The following DOP1B variants were observed in gnomAD, a reference collection of about 807,000 sequenced individuals.
DOP1B encodes the protein DOP1 leucine zipper like protein B.
In DOP1B, 174 loss-of-function variants were observed where a neutral mutation model predicts 233.5. The observed-to-expected ratio is 0.75, with a 90% confidence interval of 0.66 to 0.85. The LOEUF (loss-of-function observed/expected upper bound fraction) is 0.85. Ranked by LOEUF, DOP1B falls within the 40% of genes least tolerant of loss-of-function variation. The probability of loss-of-function intolerance (pLI) is 0.00; values close to 1 mark genes in which losing one functional copy is unlikely to be tolerated. For synonymous variants in DOP1B, 1,190 were observed against 1,185.6 expected (o/e 1.00, Z -0.08); for missense variants, 2,652 against 2,846.6 (o/e 0.93, Z 1.56).
At chr21:36,192,399 T>C (rs1316908293) in intron 2 of DOP1B, among the ~76,000 whole-genome samples, 2 of 151,004 alleles carry the variant, frequency 1.3e-5, no homozygotes, top group African/African-American at 4.8e-5. Flanking sequence ...TTCTTTTTTT[T>C]TTTTTTTGAG....
chr21:36,229,339 C>T (rs1414763579), intron 13 of DOP1B, among the ~76,000 whole-genome samples: 2 of 152,316 alleles, frequency 1.3e-5, no homozygotes, highest in African/African-American at 2.4e-5. Flanking sequence ...CTGTCTCATG[C>T]CTCCCCCGAG....
Position 36,263,781 on chromosome 21 carries a change from C to G in DOP1B, c.5454C>G (p.Asn1818Lys), listed in dbSNP as rs2067202455. 1.2e-6 allele frequency: 2 copies of G among 1,614,186 alleles called. No homozygotes were observed. The highest frequency in any genetic ancestry group is 1.7e-6 in the Non-Finnish European group (2 of 1,180,046). Reference protein sequence around the residue: ...MLNDFVTRTPNLENKKDQKDL... With the variant: ...MLNDFVTRTPKLENKKDQKDL... ...ATGACTTTGTAACAAGAACTCCCAA[C>G]CTGGAAAACAAGAAGGACCAAAAAG... The change falls in exon 26 of 37, where the codon AAC (asparagine) becomes AAG (lysine). Residue 1818 changes from asparagine to lysine, a missense_variant. This residue lies in a region of DOP1B where 2,617 missense variants were observed against 2,794.3 expected (regional missense o/e 0.94). Transcript: ENST00000691173.
At chr21:36,260,153 T>A (rs1439526731) in intron 23 of DOP1B, among the ~76,000 whole-genome samples, 1 of 31,898 alleles carries the variant, frequency 3.1e-5, no homozygotes, top group Non-Finnish European at 4.9e-5. Context: ...AAGACTCTTG[T>A]AAAAAGAAAA....
chr21:36,188,922 T>A (rs1427043639), intron 2 of DOP1B, among the ~76,000 whole-genome samples: 1 of 152,224 alleles, frequency 6.6e-6, no homozygotes, highest in Non-Finnish European at 1.5e-5. Context: ...GTTAAATTAC[T>A]CCTTTTTTAA....
intron 15 of DOP1B, among the ~76,000 whole-genome samples, chr21:36,235,869 G>GT (rs2066819678): frequency 6.8e-6 from 1 of 147,716 alleles, no homozygotes; most frequent in Admixed American, 6.8e-5. Context: ...AAGTCGGGGG[G>GT]GGGGCGGTCT....
At position 36,223,340 on chromosome 21, in the gene DOP1B, G is replaced by C; in HGVS notation, c.1360G>C (p.Glu454Gln). 6.2e-7 allele frequency: 1 copy of C among 1,609,384 alleles called. No individual in the cohort carries two copies. The highest frequency in any genetic ancestry group is 1.1e-5 in the South Asian group (1 of 89,410). Residue 454 changes from glutamate (E) to glutamine (Q), a missense_variant, in exon 11 of 37, where the codon GAA (glutamate) becomes CAA (glutamine). Glu to Gln is a conservative substitution (Grantham distance 29). Transcript: ENST00000691173. Reference sequence around the variant, plus strand: ...GGATTATATGACAAGGTGTTTTGAGGAATGCTTTAGGTAAGTATGCAGTTC... The same window carrying C: ...GGATTATATGACAAGGTGTTTTGAGCAATGCTTTAGGTAAGTATGCAGTTC... Reference protein sequence around the residue: ...LWDYMTRCFEECFRPVKQRYS... With the variant: ...LWDYMTRCFEQCFRPVKQRYS...
At chr21:36,168,263 G>C (rs912732234) in intron 2 of DOP1B, among the ~76,000 whole-genome samples, 1 of 151,972 alleles carries the variant, frequency 6.6e-6, no homozygotes, top group South Asian at 2.1e-4. Context: ...TTTATCCATT[G>C]ATCAGTTGAT....
chr21:36,199,383 CA>C (rs1275062185), intron 3 of DOP1B, 132 bp downstream of exon 3: 32 of 1,146,300 alleles, frequency 2.8e-5, no homozygotes, highest in Admixed American at 3.1e-5. Context: ...ATAAAGCCAT[CA>C]CCAGGAGACG....
chr21:36,205,145 T>C (rs968699034), intron 4 of DOP1B, among the ~76,000 whole-genome samples: 14 of 152,194 alleles, frequency 9.2e-5, no homozygotes, highest in African/African-American at 3.1e-4. Flanking sequence ...AGCTTGGCTT[T>C]CCATGGTTGT....
chr21:36,248,193 C>G (rs2066991122), intron 20 of DOP1B, among the ~76,000 whole-genome samples, 187 bp from the exon 21 acceptor site: 1 of 152,184 alleles, frequency 6.6e-6, no homozygotes, highest in African/African-American at 2.4e-5. Context: ...TCACAGCTGT[C>G]TCTGTGAAAG....
At chr21:36,275,913 C>T (rs1197657080) in intron 27 of DOP1B, among the ~76,000 whole-genome samples, 1 of 152,042 alleles carries the variant, frequency 6.6e-6, no homozygotes, top group Non-Finnish European at 1.5e-5. Context: ...CCTGTAGCAG[C>T]TGCTGGGTAG....
In DOP1B at chr21:36,168,558, C is replaced by T. The variant is rs57529164; in HGVS notation, c.138+3687C>T. Among the ~76,000 whole-genome samples, 380 of 151,362 alleles carry T rather than the reference C, an allele frequency of 2.5e-3. 1 individual carries two copies. Among genetic ancestry groups the T allele is most frequent in the African/African-American group, 8.8e-3 (363 of 41,168 alleles). Reference sequence around the variant, plus strand: ...TTCAAGTTTTTTTTTTTTTGACACTCGCTCTGTTGCCCAGGCTGGAGTGCA... The same window carrying T: ...TTCAAGTTTTTTTTTTTTTGACACTTGCTCTGTTGCCCAGGCTGGAGTGCA... On this transcript the variant is annotated intron_variant, in intron 2 of 36. Transcript: ENST00000691173.
intron 18 of DOP1B, among the ~76,000 whole-genome samples, chr21:36,242,628 A>C (rs1235766145): frequency 2.6e-5 from 4 of 152,074 alleles, no homozygotes; most frequent in African/African-American, 9.7e-5. Flanking sequence ...TGGGCTTTAA[A>C]AGTTCCCCAG....
intron 10 of DOP1B, among the ~76,000 whole-genome samples, chr21:36,222,369 A>T (rs143072130): frequency 0.036 from 5,417 of 151,314 alleles, 129 homozygotes; most frequent in Non-Finnish European, 0.051. Flanking sequence ...ACTTGAGGTC[A>T]GGAGTTTGAG....
chr21:36,269,868 C>A (rs2067267357), intron 26 of DOP1B, 145 bp from the exon 27 acceptor site: 4 of 790,794 alleles, frequency 5.1e-6, no homozygotes, highest in Non-Finnish European at 4.1e-6. Flanking sequence ...TTTTTACCTT[C>A]AATGTGGCTC....
intron 1 of DOP1B, among the ~76,000 whole-genome samples, chr21:36,164,278 G>A (rs1254742011): frequency 2.0e-5 from 3 of 152,170 alleles, no homozygotes; most frequent in Admixed American, 6.5e-5. Context: ...ACCCGTGATC[G>A]TGCCACTGCA....
Position 36,232,888 on chromosome 21 carries a change from T to G in DOP1B, c.2435T>G (p.Val812Gly). Residue 812 changes from valine (V) to glycine (G), a missense_variant, in exon 15 of 37, where the codon GTG becomes GGG. Physicochemically the swap from Val to Gly is moderately radical, Grantham distance 109 (BLOSUM62 -3). Coordinates refer to ENST00000691173, the MANE Select transcript of DOP1B (RefSeq NM_001320714.2). Reference protein sequence around the residue: ...CCVTDCYLQNVAISTLLEVIN... With the variant: ...CCVTDCYLQNGAISTLLEVIN... ...GTGACTGACTGCTACCTCCAGAACGTGGCCATTTCCACTCTGCTGGAAGTG... is the reference window on the plus strand; with the variant it reads ...GTGACTGACTGCTACCTCCAGAACGGGGCCATTTCCACTCTGCTGGAAGTG... 1 of 1,614,000 alleles carries G rather than the reference T, an allele frequency of 6.2e-7. No individual in the cohort carries two copies. Among genetic ancestry groups the G allele is most frequent in the East Asian group, 2.2e-5 (1 of 44,876 alleles).
At position 36,212,117 on chromosome 21, in the gene DOP1B, C is replaced by G; in HGVS notation, c.904+20C>G. On this transcript the variant is annotated intron_variant, in intron 7 of 36. Coordinates refer to ENST00000691173, the MANE Select transcript of DOP1B (RefSeq NM_001320714.2). Reference sequence around the variant, plus strand: ...TACTAGGTACTGAGCAGTATACACCCTTTTAAAGTCAAAGTTAATATGAAA... The same window carrying G: ...TACTAGGTACTGAGCAGTATACACCGTTTTAAAGTCAAAGTTAATATGAAA... 6.5e-7 allele frequency: 1 copy of G among 1,541,020 alleles called. No individual in the cohort carries two copies. The highest frequency in any genetic ancestry group is 8.7e-7 in the Non-Finnish European group (1 of 1,146,040).
intron 2 of DOP1B, among the ~76,000 whole-genome samples, chr21:36,165,385 G>T (rs2065899547): frequency 6.6e-6 from 1 of 152,056 alleles, no homozygotes; most frequent in South Asian, 2.1e-4. Flanking sequence ...ATTGAAATCT[G>T]CCCAAAACTT....
Sources: allele counts gnomAD v4.1 joint callset (sites outside exome capture counted in the v4.1 genomes callset), GRCh38; gene constraint gnomAD v4.1.1; regional missense constraint gnomAD v4.1.1; transcripts MANE v1.5; gene names NCBI Gene and HGNC (gene_info 2026-07-23, HGNC 2026-07-21).